Variants in ZNG1A observed in about 807,000 individuals in gnomAD.
ZNG1A encodes the protein Zn regulated GTPase metalloprotein activator 1A.
the ZNG1A span, chr9:154,010 C>A: frequency 1.3e-5 from 2 of 152,080 alleles, no homozygotes; most frequent in Non-Finnish European, 2.9e-5. Context: ...TTTGAAAAGC[C>A]CATCTTTGTT....
At chr9:170,185 A>T in the ZNG1A span, among the ~76,000 whole-genome samples, 3 of 148,442 alleles carry the variant, frequency 2.0e-5, no homozygotes, top group East Asian at 5.9e-4. Context: ...AGCTTGCTTG[A>T]CCCCCTCCCT....
chr9:152,496 C>G, the ZNG1A span, among the ~76,000 whole-genome samples: 1 of 151,880 alleles, frequency 6.6e-6, no homozygotes, highest in Admixed American at 6.6e-5. Flanking sequence ...TATATACACA[C>G]TAAAAATAAA....
the ZNG1A span, among the ~76,000 whole-genome samples, chr9:168,579 T>C: frequency 1.3e-3 from 200 of 149,780 alleles, no homozygotes; most frequent in South Asian, 2.6e-3. Flanking sequence ...GGAGATGAAA[T>C]GGCCTCCTTT....
the ZNG1A span, among the ~76,000 whole-genome samples, chr9:135,711 T>G: frequency 0.029 from 3,273 of 113,776 alleles, 48 homozygotes; most frequent in Non-Finnish European, 0.037. Context: ...ACCTTGCAGA[T>G]GCTTTGCCTT....
At chr9:173,514 T>G in the ZNG1A span, 3 of 1,468,224 alleles carry the variant, frequency 2.0e-6, no homozygotes, top group South Asian at 1.4e-5. Context: ...AGCCTCGATA[T>G]CTAAATTACA....
chr9:127,280 T>C, the ZNG1A span, among the ~76,000 whole-genome samples: 1 of 152,260 alleles, frequency 6.6e-6, no homozygotes, highest in Non-Finnish European at 1.5e-5. Flanking sequence ...CGTGGAGTAT[T>C]AAAATCCCTC....
At chr9:175,349 G>T in the ZNG1A span, among the ~76,000 whole-genome samples, 1,168 of 151,284 alleles carry the variant, frequency 7.7e-3, 9 homozygotes, top group African/African-American at 0.027. Flanking sequence ...CTGCACTCCA[G>T]CCTGGCGACA....
chr9:160,484 TC>T, the ZNG1A span, among the ~76,000 whole-genome samples: 1 of 151,992 alleles, frequency 6.6e-6, no homozygotes, highest in African/African-American at 2.4e-5. Context: ...GTTTCCATTA[TC>T]CTGACAGTGT....
At chr9:146,166 G>C in the ZNG1A span, 14 of 1,576,978 alleles carry the variant, frequency 8.9e-6, no homozygotes, top group African/African-American at 2.7e-5. Context: ...ACTCTAAAAG[G>C]AAGAAAACTA....
the ZNG1A span, chr9:172,184 C>G: frequency 3.9e-5 from 63 of 1,609,982 alleles, 2 homozygotes; most frequent in South Asian, 6.7e-4. Context: ...TGGAGAATAC[C>G]AAAACATAAT....
chr9:165,490 T>C, the ZNG1A span, among the ~76,000 whole-genome samples: 1 of 131,998 alleles, frequency 7.6e-6, no homozygotes, highest in African/African-American at 3.3e-5. Context: ...GATGTAGGTA[T>C]TTAGGGGGAG....
At chr9:163,863 G>A in the ZNG1A span, 3 of 1,100,140 alleles carry the variant, frequency 2.7e-6, no homozygotes, top group Non-Finnish European at 4.0e-6. Flanking sequence ...GTTGCAGTGA[G>A]CCGAGATCAT....
At chr9:151,438 A>AC in the ZNG1A span, 2 of 93,462 alleles carry the variant, frequency 2.1e-5, no homozygotes, top group Non-Finnish European at 3.6e-5. Context: ...CTTTCTCACC[A>AC]AAAAAAAAAA....
the ZNG1A span, among the ~76,000 whole-genome samples, chr9:127,788 A>G: frequency 3.9e-5 from 6 of 152,086 alleles, no homozygotes; most frequent in African/African-American, 1.2e-4. Context: ...TTTGTTTTAT[A>G]CGTCCTGTGA....
the ZNG1A span, among the ~76,000 whole-genome samples, chr9:139,490 T>A: frequency 2.0e-5 from 3 of 151,160 alleles, no homozygotes; most frequent in Non-Finnish European, 2.9e-5. Flanking sequence ...ACTTAAAAAA[T>A]TGTTAAGAGG....
chr9:177,666 G>C, the ZNG1A span: 1 of 1,184,438 alleles, frequency 8.4e-7, no homozygotes. Flanking sequence ...AAGGTTGCTG[G>C]TATTAATTCT....
chr9:165,529 G>T, the ZNG1A span, among the ~76,000 whole-genome samples: 4 of 136,426 alleles, frequency 2.9e-5, no homozygotes, highest in Admixed American at 2.1e-4. Context: ...ATTGATCAGT[G>T]GCTCTCAAAT....
At chr9:133,311 T>C in the ZNG1A span, among the ~76,000 whole-genome samples, 7,849 of 31,760 alleles carry the variant, frequency 0.25, 1,529 homozygotes, top group Non-Finnish European at 0.27. Context: ...CCTACAGAGG[T>C]TACAAAAATA....
chr9:138,785 T>A, the ZNG1A span, among the ~76,000 whole-genome samples: 1 of 148,508 alleles, frequency 6.7e-6, no homozygotes, highest in East Asian at 2.0e-4. Flanking sequence ...ATGCCTGTGG[T>A]CCCAGCTTCT....
Sources: allele counts gnomAD v4.1 joint callset (sites outside exome capture counted in the v4.1 genomes callset), GRCh38; gene constraint gnomAD v4.1.1; transcripts MANE v1.5; gene names NCBI Gene and HGNC (gene_info 2026-07-23, HGNC 2026-07-21).